Variants in VLDLR observed in about 807,000 individuals in gnomAD.
VLDLR encodes the protein very low-density lipoprotein receptor.
A neutral mutation model predicts 112.7 loss-of-function variants in VLDLR; 81 were observed. That is an observed-to-expected ratio of 0.72 (90% CI 0.60 to 0.86). The LOEUF is 0.86. Among genes scored for constraint, VLDLR ranks in the 40% least tolerant of loss-of-function variants. The pLI, the probability that VLDLR is intolerant of heterozygous loss-of-function variation, is 0.00. For synonymous variants in VLDLR, 436 were observed against 384.8 expected (o/e 1.13, Z -1.56); for missense variants, 1,237 against 1,099.4 (o/e 1.13, Z -1.77).
At position 2,655,179 on chromosome 9, in the gene VLDLR, A is replaced by G. The variant is rs546235547; in HGVS notation, c.*1311A>G. The G allele has an allele frequency of 2.6e-4, 40 of 152,346 alleles. No individual in the cohort carries two copies. Among genetic ancestry groups the G allele is most frequent in the African/African-American group, 9.4e-4 (39 of 41,572 alleles). The allele number at this position is 152,346 out of a possible 1,614,324, so 9.4% of individuals were successfully genotyped here. On this transcript the variant is annotated 3_prime_UTR_variant, in exon 19 of 19. Coordinates refer to ENST00000382100, the MANE Select transcript of VLDLR (RefSeq NM_003383.5). ...TGACTTCATGAAGAATATAATTGCA[A>G]TATCACCTAAATTTTTATCCTGGCT... is the stretch of plus-strand genomic sequence containing the variant.
Position 2,653,926 on chromosome 9 carries a change from G to C in VLDLR, c.*58G>C. ...AACAAATAATACCCCCGTCGGAATG[G>C]TAACCGAGCCAGCAGCTGAAGTCTC... On this transcript the variant is annotated 3_prime_UTR_variant, in exon 19 of 19. Transcript: ENST00000382100. The C allele has an allele frequency of 1.9e-6, 3 of 1,579,434 alleles. No homozygotes were observed. The highest frequency in any genetic ancestry group is 2.6e-6 in the Non-Finnish European group (3 of 1,148,684).
rs148499851 is a variant in VLDLR at position 2,655,368 on chromosome 9, G to A, written c.*1500G>A. ...AAAGTCTCAGGATGTCTGGAAGCAA[G>A]GAAAGACAAAAGACTTGAAGCACCG... On this transcript the variant is annotated 3_prime_UTR_variant, in exon 19 of 19. Transcript: ENST00000382100. 7 of 152,122 alleles carry A rather than the reference G, an allele frequency of 4.6e-5. No homozygotes were observed. Among genetic ancestry groups the A allele is most frequent in the Admixed American group, 4.6e-4 (7 of 15,272 alleles). 9.4% of individuals were successfully genotyped at this position (152,122 alleles called of 1,614,324 possible). A position where few individuals can be genotyped will look rare whatever the true frequency, so the allele number is the denominator to read the frequency against.
chr9:2,644,151 T>TTG (rs1220263599), intron 7 of VLDLR, among the ~76,000 whole-genome samples, 192 bp downstream of exon 7: 1 of 143,228 alleles, frequency 7.0e-6, no homozygotes. Flanking sequence ...TTTGTTTTTG[T>TTG]TGTTTTTTTT....
intron 3 of VLDLR, among the ~76,000 whole-genome samples, chr9:2,641,153 G>A (rs1256118447): frequency 6.6e-6 from 1 of 152,210 alleles, no homozygotes; most frequent in African/African-American, 2.4e-5. Flanking sequence ...TTGAAGGAGT[G>A]ACGTGGTCAA....
intron 7 of VLDLR, among the ~76,000 whole-genome samples, 168 bp downstream of exon 7, chr9:2,644,127 A>ACT (rs750377616): frequency 8.6e-5 from 13 of 150,918 alleles, no homozygotes; most frequent in Non-Finnish European, 1.6e-4. Context: ...GGTAGGACAA[A>ACT]CTAGTTTATA....
chr9:2,642,827 T>C (rs1217290873), intron 4 of VLDLR, among the ~76,000 whole-genome samples: 1 of 152,218 alleles, frequency 6.6e-6, no homozygotes, highest in African/African-American at 2.4e-5. Context: ...CAAGGACAAC[T>C]CAATCTCTGC....
intron 12 of VLDLR, 28 bp from the exon 13 acceptor site, chr9:2,648,180 A>C (rs769625303): frequency 6.2e-7 from 1 of 1,611,976 alleles, no homozygotes; most frequent in Non-Finnish European, 8.5e-7. Flanking sequence ...GTGGCTTGTC[A>C]TGTAATGACA....
At chr9:2,631,766 C>T (rs943407502) in intron 1 of VLDLR, among the ~76,000 whole-genome samples, 22 of 152,012 alleles carry the variant, frequency 1.4e-4, no homozygotes, top group Admixed American at 6.5e-4. Context: ...AACGTGCTCG[C>T]GTGATGGACA....
At chr9:2,635,414 CCAAT>C (rs1817556787) in intron 1 of VLDLR, 35 bp from the exon 2 acceptor site, 1 of 1,613,078 alleles carries the variant, frequency 6.2e-7, no homozygotes, top group Non-Finnish European at 8.5e-7. Context: ...GAATCTATAA[CCAAT>C]CCTTGCTTTA....
intron 17 of VLDLR, 56 bp downstream of exon 17, chr9:2,652,010 ATTTT>A: frequency 2.5e-6 from 4 of 1,569,174 alleles, no homozygotes; most frequent in Non-Finnish European, 3.5e-6. Context: ...CCAGATGAAG[ATTTT>A]TTGTTCATCT....
Position 2,648,650 on chromosome 9 carries a change from T to C in VLDLR, c.1963-19T>C. The C allele has an allele frequency of 1.2e-6, 2 of 1,614,168 alleles. No homozygotes were observed. Among genetic ancestry groups the C allele is most frequent in the Non-Finnish European group, 1.7e-6 (2 of 1,180,006 alleles). On this transcript the variant is annotated intron_variant, in intron 13 of 18. Coordinates refer to ENST00000382100, the MANE Select transcript of VLDLR (RefSeq NM_003383.5). ...TGTTAATCCTGGATGTACATGCTAA[T>C]TGTGGGCTTCTGTTTTAGGATCGTG...
At chr9:2,648,550 T>G (rs1366928304) in intron 13 of VLDLR, 119 bp from the exon 14 acceptor site, 5 of 1,546,654 alleles carry the variant, frequency 3.2e-6, no homozygotes, top group Non-Finnish European at 4.5e-6. Context: ...TTATATCCAG[T>G]GTCCCAGTTC....
intron 18 of VLDLR, among the ~76,000 whole-genome samples, 196 bp from the exon 19 acceptor site, chr9:2,653,637 T>A (rs1407016091): frequency 6.6e-6 from 1 of 152,234 alleles, no homozygotes; most frequent in African/African-American, 2.4e-5. Context: ...CTTATCTCAC[T>A]ACCAAGCAGG....
Position 2,651,430 on chromosome 9 carries a change from T to C in VLDLR, c.2267T>C (p.Val756Ala). 2.5e-6 allele frequency: 4 copies of C among 1,613,946 alleles called. No individual in the cohort carries two copies. Among genetic ancestry groups the C allele is most frequent in the Non-Finnish European group, 3.4e-6 (4 of 1,179,908 alleles). The change falls in exon 16 of 19, where the codon GTG (valine) becomes GCG (alanine). Residue 756 changes from valine (V) to alanine (A), a missense_variant. Transcript: ENST00000382100. ...GRDCQSTATT[V>A]TYSETKDTNT... Reference sequence around the variant, plus strand: ...TATAATTCAGGTACTGCAACTACTGTGACTTACAGTGAGACAAAAGATACG... The same window carrying C: ...TATAATTCAGGTACTGCAACTACTGCGACTTACAGTGAGACAAAAGATACG...
rs1816797329 is a variant in VLDLR, at chr9:2,621,927, T to G, written c.-263T>G. On this transcript the variant is annotated 5_prime_UTR_variant, in exon 1 of 19. It adds an upstream start codon to the 5' untranslated region. Coordinates refer to ENST00000382100, the MANE Select transcript of VLDLR (RefSeq NM_003383.5). The stretch of plus-strand genomic sequence containing the variant: ...CTCCCCTCCTCTGCAGCGCCTGCAT[T>G]ATTTTCTGCCCGCAGGCTCGGCTTG... 1.6e-6 allele frequency: 1 copy of G among 638,480 alleles called. No homozygotes were observed. Among genetic ancestry groups the G allele is most frequent in the Non-Finnish European group, 2.9e-6 (1 of 348,604 alleles). The allele number at this position is 638,480 out of a possible 1,614,324, so 39.6% of individuals were successfully genotyped here. A position where few individuals can be genotyped will look rare whatever the true frequency, so the allele number is the denominator to read the frequency against.
intron 1 of VLDLR, among the ~76,000 whole-genome samples, chr9:2,625,469 C>A (rs551900698): frequency 2.0e-5 from 3 of 152,168 alleles, no homozygotes; most frequent in Admixed American, 6.5e-5. Context: ...AAGGCAGTTG[C>A]CTACGTGACT....
rs71329439 is a variant in VLDLR at position 2,633,051 on chromosome 9, A to AGTGT, written c.83-2368_83-2365dup. 2.4e-3 allele frequency among the ~76,000 whole-genome samples: 274 copies of AGTGT among 115,426 alleles called. 3 individuals are homozygous for AGTGT. Among genetic ancestry groups the AGTGT allele is most frequent in the South Asian group, 9.4e-3 (29 of 3,100 alleles). The allele number at this position is 115,426 out of a possible 152,430, so 75.7% of individuals were successfully genotyped here. On this transcript the variant is annotated intron_variant, in intron 1 of 18. Coordinates refer to ENST00000382100, the MANE Select transcript of VLDLR (RefSeq NM_003383.5). The stretch of plus-strand genomic sequence containing the variant: ...TTATTGGAGAGAGAGAGAGAGAGAG[A>AGTGT]GTGTGTGTGTGTGTGTGTGTGTGTG...
In VLDLR at chr9:2,646,381, A is replaced by T; in HGVS notation, c.1532A>T (p.Asn511Ile). The change falls in exon 11 of 19, where the codon AAT becomes ATT. Residue 511 changes from asparagine (N) to isoleucine (I), a missense_variant. Transcript: ENST00000382100. ...KVGRHVKMID[N>I]VYNPAAIAVD... Reference sequence around the variant, plus strand: ...GGTAGACATGTTAAAATGATCGACAATGTCTATAATCCTGCAGCCATTGCT... The same window carrying T: ...GGTAGACATGTTAAAATGATCGACATTGTCTATAATCCTGCAGCCATTGCT... 1 of 1,614,212 alleles carries T rather than the reference A, an allele frequency of 6.2e-7. No homozygotes were observed. The highest frequency in any genetic ancestry group is 8.5e-7 in the Non-Finnish European group (1 of 1,180,028).
intron 1 of VLDLR, 23 bp from the exon 2 acceptor site, chr9:2,635,430 C>T (rs199983142): frequency 1.1e-5 from 17 of 1,613,610 alleles, no homozygotes; most frequent in Admixed American, 5.0e-5. Flanking sequence ...CTTGCTTTAC[C>T]GAATGTTCCC....
Sources: allele counts gnomAD v4.1 joint callset (sites outside exome capture counted in the v4.1 genomes callset), GRCh38; gene constraint gnomAD v4.1.1; transcripts MANE v1.5; gene names NCBI Gene and HGNC (gene_info 2026-07-23, HGNC 2026-07-21).